Variants in DCC observed in about 807,000 individuals in gnomAD.
The protein encoded by DCC is netrin receptor DCC.
DCC carries 58 observed loss-of-function variants against 172.5 expected under a neutral mutation model. The ratio of observed to expected loss-of-function variants is 0.34; its 90% confidence interval spans 0.27 to 0.42. DCC has a LOEUF of 0.42. Among genes scored for constraint, DCC ranks in the 10% least tolerant of loss-of-function variants. The probability of loss-of-function intolerance (pLI) is 1.00; values close to 1 mark genes in which losing one functional copy is unlikely to be tolerated. For synonymous variants in DCC, 709 were observed against 644.5 expected (o/e 1.10, Z -1.52); for missense variants, 1,740 against 1,791.0 (o/e 0.97, Z 0.51).
chr18:52,917,116 CAA>C (rs36010390), intron 3 of DCC, among the ~76,000 whole-genome samples: 2 of 82,420 alleles, frequency 2.4e-5, no homozygotes, highest in African/African-American at 5.0e-5. Context: ...AACCCCGTCT[CAA>C]AAAAAAAAAA....
chr18:53,017,817 T>C (rs2041829739), intron 5 of DCC, among the ~76,000 whole-genome samples: 1 of 152,204 alleles, frequency 6.6e-6, no homozygotes, highest in African/African-American at 2.4e-5. Context: ...TATTTTCTTT[T>C]TATACATACT....
At chr18:52,573,569 T>C (rs1248801141) in intron 1 of DCC, among the ~76,000 whole-genome samples, 1 of 152,220 alleles carries the variant, frequency 6.6e-6, no homozygotes, top group Non-Finnish European at 1.5e-5. Context: ...AGAATTTCAT[T>C]TGTGGTGTTT....
chr18:52,722,836 G>A (rs2036494152), intron 1 of DCC, among the ~76,000 whole-genome samples: 1 of 152,086 alleles, frequency 6.6e-6, no homozygotes, highest in Non-Finnish European at 1.5e-5. Context: ...TGACTCTCCT[G>A]TCTGCTGTAT....
chr18:53,489,251 A>G (rs917482605), intron 26 of DCC, among the ~76,000 whole-genome samples: 5 of 152,206 alleles, frequency 3.3e-5, no homozygotes, highest in African/African-American at 1.2e-4. Flanking sequence ...GATTTTTAAA[A>G]TAAATACATC....
intron 1 of DCC, among the ~76,000 whole-genome samples, chr18:52,373,888 A>AT (rs1296846491): frequency 0.042 from 5,346 of 127,186 alleles, 236 homozygotes; most frequent in Non-Finnish European, 0.062. Flanking sequence ...TGGTTGCATC[A>AT]TTTTTTTTTT....
chr18:53,289,444 C>A (rs2144745792), intron 12 of DCC, among the ~76,000 whole-genome samples: 1 of 152,180 alleles, frequency 6.6e-6, no homozygotes, highest in Admixed American at 6.5e-5. Context: ...TATGGTGTGT[C>A]TATTTATCTT....
chr18:52,868,051 ATATG>A (rs1204508383), intron 2 of DCC, among the ~76,000 whole-genome samples: 120 of 98,842 alleles, frequency 1.2e-3, no homozygotes, highest in African/African-American at 2.4e-3. Flanking sequence ...ATATATATAT[ATATG>A]TGTGTGTGTG....
At chr18:52,859,701 C>A (rs2039108969) in intron 2 of DCC, among the ~76,000 whole-genome samples, 1 of 152,198 alleles carries the variant, frequency 6.6e-6, no homozygotes, top group Admixed American at 6.5e-5. Flanking sequence ...ATATGCTCTT[C>A]TGCCCCATGA....
chr18:52,917,782 G>A (rs1027484533), intron 3 of DCC, among the ~76,000 whole-genome samples: 1 of 152,122 alleles, frequency 6.6e-6, no homozygotes, highest in Non-Finnish European at 1.5e-5. Context: ...ATAACAAACA[G>A]ACCAGTTCAA....
Position 52,361,563 on chromosome 18 carries a change from C to T in DCC, c.91+20685C>T, listed in dbSNP as rs115547644. On this transcript the variant is annotated intron_variant, in intron 1 of 28. Coordinates refer to ENST00000442544, the MANE Select transcript of DCC (RefSeq NM_005215.4). Reference sequence around the variant, plus strand: ...TGTCTTCTAAAAGTGTCAGTTCCAACGCCTCCAAAATGTTCAACTGCCCTC... The same window carrying T: ...TGTCTTCTAAAAGTGTCAGTTCCAATGCCTCCAAAATGTTCAACTGCCCTC... 5.0e-3 allele frequency among the ~76,000 whole-genome samples: 757 copies of T among 152,316 alleles called. 6 individuals are homozygous for T. Among genetic ancestry groups the T allele is most frequent in the African/African-American group, 0.017 (717 of 41,574 alleles).
In DCC at chr18:52,923,820, T is replaced by C. The variant is rs550622832; in HGVS notation, c.811T>C (p.Phe271Leu). The change falls in exon 4 of 29, where the codon TTT (phenylalanine) becomes CTT (leucine). Residue 271 changes from phenylalanine (F) to leucine (L), a missense_variant. Around this residue, in one of 2 missense-constraint regions of DCC, gnomAD observed 1,732 missense variants for 1,767.4 expected, o/e 0.98. Coordinates refer to ENST00000442544, the MANE Select transcript of DCC (RefSeq NM_005215.4). ...TGTTTCTGGCTATCCTCCACCAAGTTTTACCTGGTTACGAGGCGAGGAAGT... is the reference window on the plus strand; with the variant it reads ...TGTTTCTGGCTATCCTCCACCAAGTCTTACCTGGTTACGAGGCGAGGAAGT... ...CCVSGYPPPS[F>L]TWLRGEEVIQ... The C allele has an allele frequency of 4.0e-5, 65 of 1,613,368 alleles. 2 individuals carry two copies. The South Asian group carries it at 6.8e-4, about 17-fold the overall frequency.
At chr18:52,919,936 A>T (rs2040094708) in intron 3 of DCC, among the ~76,000 whole-genome samples, 1 of 151,456 alleles carries the variant, frequency 6.6e-6, no homozygotes, top group Non-Finnish European at 1.5e-5. Context: ...AATACAGTCA[A>T]CTGATCTTTG....
intron 22 of DCC, among the ~76,000 whole-genome samples, chr18:53,442,864 C>A (rs1382354024): frequency 6.6e-6 from 1 of 152,208 alleles, no homozygotes; most frequent in African/African-American, 2.4e-5. Flanking sequence ...CGACAACATT[C>A]CCTTCAGTCA....
chr18:52,502,443 C>T (rs2031058316), intron 1 of DCC, among the ~76,000 whole-genome samples: 1 of 152,140 alleles, frequency 6.6e-6, no homozygotes, highest in African/African-American at 2.4e-5. Context: ...CACTATTTAA[C>T]ATTTTTTCCA....
At chr18:52,940,445 A>G (rs2040443907) in intron 5 of DCC, among the ~76,000 whole-genome samples, 1 of 152,154 alleles carries the variant, frequency 6.6e-6, no homozygotes, top group South Asian at 2.1e-4. Context: ...ATGAAATTGG[A>G]CTAAGCCCAA....
chr18:53,165,029 T>A (rs1278526995), intron 8 of DCC, among the ~76,000 whole-genome samples: 1 of 152,200 alleles, frequency 6.6e-6, no homozygotes, highest in Non-Finnish European at 1.5e-5. Flanking sequence ...ATACATTTTC[T>A]GAAAAAGCTC....
intron 1 of DCC, among the ~76,000 whole-genome samples, chr18:52,677,306 AGTGTGCATACAT>A (rs2035661859): frequency 6.6e-6 from 1 of 152,154 alleles, no homozygotes; most frequent in Non-Finnish European, 1.5e-5. Context: ...TGAGAAAGTA[AGTGTGCATACAT>A]TACAAAAAAA....
intron 2 of DCC, among the ~76,000 whole-genome samples, chr18:52,822,559 A>C (rs965769569): frequency 1.3e-5 from 2 of 152,228 alleles, no homozygotes; most frequent in Non-Finnish European, 2.9e-5. Context: ...GCCAAATTCC[A>C]ATTCTGCGTT....
intron 8 of DCC, among the ~76,000 whole-genome samples, chr18:53,162,599 T>A (rs1255387319): frequency 3.9e-5 from 6 of 152,150 alleles, no homozygotes; most frequent in Admixed American, 3.9e-4. Context: ...TTCCTAAATA[T>A]TCAAGAATCT....
Sources: allele counts gnomAD v4.1 joint callset (sites outside exome capture counted in the v4.1 genomes callset), GRCh38; gene constraint gnomAD v4.1.1; regional missense constraint gnomAD v4.1.1; transcripts MANE v1.5; gene names NCBI Gene and HGNC (gene_info 2026-07-23, HGNC 2026-07-21).